Variants in OMA1 observed in about 807,000 individuals in gnomAD.
OMA1 encodes OMA1 zinc metallopeptidase, also known as metalloendopeptidase OMA1, mitochondrial.
OMA1 carries 38 observed loss-of-function variants against 30.9 expected under a neutral mutation model. The ratio of observed to expected loss-of-function variants is 1.23; its 90% CI spans 0.95 to 1.61. The LOEUF (loss-of-function observed/expected upper bound fraction) is 1.61, where lower values mean the gene tolerates loss of function less well. Among genes scored for constraint, OMA1 ranks in the 40% most tolerant of loss-of-function variants. OMA1 has a pLI of 0.00. For synonymous variants in OMA1, 173 were observed against 121.9 expected (o/e 1.42, Z -2.76); for missense variants, 461 against 349.2 (o/e 1.32, Z -2.55).
chr1:58,486,216 T>C (rs893705296), intron 8 of OMA1, among the ~76,000 whole-genome samples: 1 of 152,230 alleles, frequency 6.6e-6, no homozygotes, highest in Non-Finnish European at 1.5e-5. Flanking sequence ...GGACCTTACC[T>C]ACAGAAATGC....
chr1:58,486,876 T>C (rs1336485192), intron 8 of OMA1, among the ~76,000 whole-genome samples: 1 of 152,168 alleles, frequency 6.6e-6, no homozygotes, highest in African/African-American at 2.4e-5. Context: ...TCTTGTATGT[T>C]TCCTAAACCA....
chr1:58,483,380 A>G (rs1645522359), intron 8 of OMA1, among the ~76,000 whole-genome samples: 1 of 152,168 alleles, frequency 6.6e-6, no homozygotes, highest in Admixed American at 6.5e-5. Context: ...TTGTAGTCAG[A>G]TGCGAGCCAG....
intron 8 of OMA1, among the ~76,000 whole-genome samples, chr1:58,501,300 G>C (rs552293886): frequency 6.6e-6 from 1 of 152,184 alleles, no homozygotes; most frequent in East Asian, 1.9e-4. Context: ...AAGCAAGAAA[G>C]GAACTCATCT....
intron 8 of OMA1, among the ~76,000 whole-genome samples, chr1:58,496,040 A>G (rs189645790): frequency 6.6e-6 from 1 of 152,344 alleles, no homozygotes; most frequent in East Asian, 1.9e-4. Context: ...AGAAATGTTA[A>G]CTAAATAAAA....
At chr1:58,490,460 A>C (rs371479905) in intron 8 of OMA1, among the ~76,000 whole-genome samples, 1 of 152,284 alleles carries the variant, frequency 6.6e-6, no homozygotes, top group South Asian at 2.1e-4. Context: ...CCAAATCTAC[A>C]TCTGATTGGT....
intron 8 of OMA1, among the ~76,000 whole-genome samples, chr1:58,493,095 TG>T (rs1645728590): frequency 6.6e-6 from 1 of 152,180 alleles, no homozygotes; most frequent in Non-Finnish European, 1.5e-5. Flanking sequence ...ATCCCTGGGA[TG>T]CAAGGCTGGT....
intron 8 of OMA1, among the ~76,000 whole-genome samples, chr1:58,497,830 CCTTT>C (rs746770317): frequency 2.8e-4 from 43 of 152,262 alleles, no homozygotes; most frequent in Non-Finnish European, 5.0e-4. Context: ...TTTCCCTGCA[CCTTT>C]CTGTCTTAGT....
At chr1:58,523,601 AAAG>A (rs891398850) in intron 7 of OMA1, among the ~76,000 whole-genome samples, 10 of 152,238 alleles carry the variant, frequency 6.6e-5, no homozygotes, top group African/African-American at 2.2e-4. Context: ...GAGAATGTAA[AAAG>A]AACTGGCAGT....
chr1:58,511,496 G>A (rs1557447245), intron 7 of OMA1, among the ~76,000 whole-genome samples: 3 of 152,024 alleles, frequency 2.0e-5, no homozygotes, highest in Non-Finnish European at 4.4e-5. Context: ...AAATTAGGCA[G>A]GTGTGATGGT....
intron 8 of OMA1, among the ~76,000 whole-genome samples, chr1:58,495,799 C>G (rs1645790621): frequency 6.6e-6 from 1 of 152,028 alleles, no homozygotes; most frequent in African/African-American, 2.4e-5. Flanking sequence ...CTTACACTTC[C>G]TCCAACAGCA....
rs541539018 is a variant in OMA1 at position 58,539,225 on chromosome 1, TAGAC to T, written c.66_69del (p.Ser23ThrfsTer8). 280 of 872,264 alleles carry T rather than the reference TAGAC, an allele frequency of 3.2e-4. 1 individual carries two copies. The African/African-American group carries it at 4.3e-3, about 13-fold the overall frequency. 54.0% of individuals were successfully genotyped at this position (872,264 alleles called of 1,614,324 possible). ...GCTAATGTGTTACATTTTCTCCAGT[TAGAC>T]AGTGAATTAAATCGGAAGAAAACAT... On this transcript the variant is annotated frameshift_variant, in exon 2 of 9. Transcript: ENST00000371226. LOFTEE classifies it high-confidence loss of function.
intron 8 of OMA1, among the ~76,000 whole-genome samples, chr1:58,500,190 T>C (rs945915686): frequency 1.3e-5 from 2 of 151,992 alleles, no homozygotes; most frequent in African/African-American, 4.8e-5. Flanking sequence ...CACCATAATA[T>C]TTTTTTTAAG....
chr1:58,486,183 G>T (rs1158284937), intron 8 of OMA1, among the ~76,000 whole-genome samples: 2 of 152,176 alleles, frequency 1.3e-5, no homozygotes, highest in African/African-American at 4.8e-5. Flanking sequence ...CAAAGAGAGG[G>T]GGACAAGGCA....
At chr1:58,542,932 G>A (rs1426645200) in intron 1 of OMA1, among the ~76,000 whole-genome samples, 3 of 152,102 alleles carry the variant, frequency 2.0e-5, no homozygotes, top group Admixed American at 6.5e-5. Flanking sequence ...GGTCTACAGC[G>A]GGTGCTATGG....
intron 8 of OMA1, among the ~76,000 whole-genome samples, chr1:58,500,954 A>G (rs1454083587): frequency 3.9e-5 from 6 of 152,238 alleles, no homozygotes; most frequent in Non-Finnish European, 5.9e-5. Flanking sequence ...TAATATACAT[A>G]AAGTCTGAAC....
chr1:58,520,526 C>A (rs922155490), intron 7 of OMA1, among the ~76,000 whole-genome samples: 1 of 152,140 alleles, frequency 6.6e-6, no homozygotes, highest in African/African-American at 2.4e-5. Context: ...AATAGACTAA[C>A]TTTTCCCCAA....
chr1:58,534,772 C>G lies in OMA1; in HGVS notation c.730-441G>C, dbSNP rs1012760804. 4.6e-5 allele frequency among the ~76,000 whole-genome samples: 7 copies of G among 151,984 alleles called. No individual in the cohort carries two copies. The South Asian group carries it at 1.5e-3, about 32-fold the overall frequency. ...CAACATGGTGAAACCCCGTCTCTACCGAAAACACAAAAAATTAGCCAGGCG... is the reference window on the plus strand; with the variant it reads ...CAACATGGTGAAACCCCGTCTCTACGGAAAACACAAAAAATTAGCCAGGCG... On this transcript the variant is annotated intron_variant, in intron 3 of 8. Coordinates refer to ENST00000371226, the MANE Select transcript of OMA1 (RefSeq NM_145243.5).
At chr1:58,533,881 T>G (rs575313831) in intron 5 of OMA1, 72 bp downstream of exon 5, 6 of 805,922 alleles carry the variant, frequency 7.4e-6, no homozygotes, top group South Asian at 5.6e-5. Context: ...AAAAAATCAG[T>G]TCTTTAAAAG....
At chr1:58,487,807 T>C (rs1221342621) in intron 8 of OMA1, among the ~76,000 whole-genome samples, 1 of 152,140 alleles carries the variant, frequency 6.6e-6, no homozygotes, top group Non-Finnish European at 1.5e-5. Flanking sequence ...ACACATATAC[T>C]TTAATTACTT....
Sources: gnomAD v4.1 joint callset for allele counts (sites outside exome capture counted in the v4.1 genomes callset) on GRCh38, gnomAD v4.1.1 for gene constraint, MANE v1.5 for transcripts, NCBI Gene and HGNC (gene_info 2026-07-23, HGNC 2026-07-21) for gene names.